Variants in SLCO5A1 observed in about 807,000 individuals in gnomAD.
SLCO5A1 encodes the protein organic anion transporter polypeptide-related protein 4.
Under a neutral mutation model 65.1 loss-of-function variants are expected in SLCO5A1, and 39 were observed. That is an observed-to-expected ratio of 0.60 (90% CI 0.46 to 0.78). The LOEUF (loss-of-function observed/expected upper bound fraction) is 0.78, where lower values mean the gene tolerates loss of function less well. Ranked by LOEUF, SLCO5A1 falls within the 30% of genes least tolerant of loss-of-function variation. The probability of loss-of-function intolerance (pLI) is 0.00; values close to 1 mark genes in which losing one functional copy is unlikely to be tolerated. For synonymous variants in SLCO5A1, 438 were observed against 415.7 expected (o/e 1.05, Z -0.65); for missense variants, 1,029 against 1,069.4 (o/e 0.96, Z 0.53).
chr8:69,759,869 A>C (rs1439846842), intron 3 of SLCO5A1, among the ~76,000 whole-genome samples: 1 of 152,056 alleles, frequency 6.6e-6, no homozygotes. Context: ...GGTTATCTCG[A>C]ACTCCTGACC....
intron 6 of SLCO5A1, among the ~76,000 whole-genome samples, chr8:69,695,671 A>C (rs148439809): frequency 2.0e-3 from 311 of 152,218 alleles, no homozygotes; most frequent in African/African-American, 7.3e-3. Context: ...GGAGAGATTG[A>C]CATTATCACC....
intron 2 of SLCO5A1, among the ~76,000 whole-genome samples, chr8:69,788,826 G>T (rs1477434285): frequency 1.3e-5 from 2 of 152,092 alleles, no homozygotes; most frequent in Admixed American, 1.3e-4. Context: ...TAAATTTATA[G>T]TCTTAGTATA....
chr8:69,680,348 A>C (rs1212011594), intron 7 of SLCO5A1, among the ~76,000 whole-genome samples: 1 of 152,120 alleles, frequency 6.6e-6, no homozygotes, highest in Admixed American at 6.6e-5. Flanking sequence ...ATGAGTACCC[A>C]ATGTTTAGCT....
intron 6 of SLCO5A1, among the ~76,000 whole-genome samples, chr8:69,687,270 T>C (rs1042447085): frequency 2.6e-5 from 4 of 152,186 alleles, no homozygotes; most frequent in African/African-American, 9.7e-5. Context: ...TCTATGGCTA[T>C]TAAATACCCC....
rs1304846887 is a variant in SLCO5A1, at chr8:69,761,085, G to GA, written c.1040+657dup. 5.9e-5 allele frequency among the ~76,000 whole-genome samples: 9 copies of GA among 152,258 alleles called. 1 individual carries two copies. The South Asian group carries it at 1.0e-3, about 18-fold the overall frequency. ...TGAAAGGTATGATTAAAGTCAGCAG[G>GA]AAAGTCCCCACGCAGCCACAGCAGT... On this transcript the variant is annotated intron_variant, in intron 3 of 9. Coordinates refer to ENST00000260126, the MANE Select transcript of SLCO5A1 (RefSeq NM_030958.3).
chr8:69,801,600 C>G (rs184933821), intron 2 of SLCO5A1, among the ~76,000 whole-genome samples: 1 of 152,050 alleles, frequency 6.6e-6, no homozygotes, highest in African/African-American at 2.4e-5. Context: ...GTTTTACATT[C>G]TCTGACAGAT....
In SLCO5A1 at chr8:69,679,439, G is replaced by C; in HGVS notation, c.1963C>G (p.Leu655Val). 1 of 1,614,214 alleles carries C rather than the reference G, an allele frequency of 6.2e-7. No homozygotes were observed. Among genetic ancestry groups the C allele is most frequent in the Non-Finnish European group, 8.5e-7 (1 of 1,180,028 alleles). Residue 655 changes from leucine to valine, a missense_variant, in exon 8 of 10, where the codon CTT becomes GTT. Leu to Val is a conservative substitution (Grantham distance 32, BLOSUM62 1). Coordinates refer to ENST00000260126, the MANE Select transcript of SLCO5A1 (RefSeq NM_030958.3). ...GCTGTGATGAAGGTGACTATGAAAAGAAAAACTAAGAATGGGATAAGAGTA... is the reference window on the plus strand; with the variant it reads ...GCTGTGATGAAGGTGACTATGAAAACAAAAACTAAGAATGGGATAAGAGTA... ...CNTLIPFLVF[L>V]FIVTFITACA... is the part of the protein sequence containing the mutation.
At chr8:69,686,263 A>C (rs1813999375) in intron 6 of SLCO5A1, among the ~76,000 whole-genome samples, 2 of 149,584 alleles carry the variant, frequency 1.3e-5, no homozygotes, top group Non-Finnish European at 3.0e-5. Context: ...TCTTTAGCAA[A>C]ATATACTAAT....
chr8:69,792,369 T>C (rs1819310885), intron 2 of SLCO5A1, among the ~76,000 whole-genome samples: 1 of 152,028 alleles, frequency 6.6e-6, no homozygotes, highest in South Asian at 2.1e-4. Context: ...AGAAATATGG[T>C]AGGAAAAGAC....
At chr8:69,812,982 C>G (rs559025091) in intron 2 of SLCO5A1, among the ~76,000 whole-genome samples, 2 of 152,284 alleles carry the variant, frequency 1.3e-5, no homozygotes, top group South Asian at 4.1e-4. Flanking sequence ...GGACACATTC[C>G]CTTTCCAGCT....
At chr8:69,711,483 A>G (rs895284683) in intron 5 of SLCO5A1, among the ~76,000 whole-genome samples, 2 of 152,172 alleles carry the variant, frequency 1.3e-5, no homozygotes, top group Non-Finnish European at 2.9e-5. Flanking sequence ...ACCCAAGGAC[A>G]CTTCCATATG....
At chr8:69,727,438 C>T (rs1022608692) in intron 5 of SLCO5A1, among the ~76,000 whole-genome samples, 7 of 152,186 alleles carry the variant, frequency 4.6e-5, no homozygotes, top group Non-Finnish European at 1.0e-4. Flanking sequence ...TATACAGTTA[C>T]ATATTATACA....
chr8:69,761,761 G>C lies in SLCO5A1; in HGVS notation c.1022C>G (p.Pro341Arg). ...AACTTACCAGTTTCCAATGAAACGA[G>C]GGTCATTCTGGTCAAGGTGAACAGG... ...RNPVHLDQND[P>R]RFIGNWWSGF... The change falls in exon 3 of 10, where the codon CCT becomes CGT. Residue 341 changes from proline to arginine, a missense_variant. This residue lies in a region of SLCO5A1 where 647 missense variants were observed against 647.5 expected (regional missense o/e 1.00). Coordinates refer to ENST00000260126, the MANE Select transcript of SLCO5A1 (RefSeq NM_030958.3). 6.2e-7 allele frequency: 1 copy of C among 1,613,646 alleles called. No homozygotes were observed. Among genetic ancestry groups the C allele is most frequent in the Non-Finnish European group, 8.5e-7 (1 of 1,179,888 alleles).
intron 6 of SLCO5A1, among the ~76,000 whole-genome samples, chr8:69,687,351 G>A (rs555148982): frequency 1.3e-5 from 2 of 152,138 alleles, no homozygotes; most frequent in South Asian, 4.1e-4. Flanking sequence ...TGCTAGCATA[G>A]GTTTAGAAGA....
intron 2 of SLCO5A1, chr8:69,772,779 C>A: frequency 4.0e-6 from 1 of 251,114 alleles, no homozygotes; most frequent in Non-Finnish European, 6.3e-6. Context: ...CACCTCCTTC[C>A]TGGCCTTATG....
At chr8:69,752,998 C>G (rs1168436707) in intron 4 of SLCO5A1, among the ~76,000 whole-genome samples, 1 of 152,146 alleles carries the variant, frequency 6.6e-6, no homozygotes, top group Non-Finnish European at 1.5e-5. Flanking sequence ...AAAAGCAACC[C>G]CTGGCAGTAC....
intron 2 of SLCO5A1, among the ~76,000 whole-genome samples, chr8:69,831,419 T>C (rs188324374): frequency 1.7e-3 from 265 of 152,334 alleles, no homozygotes; most frequent in Middle Eastern, 3.4e-3. Flanking sequence ...CATGAGGTAC[T>C]GCTATTCCTT....
At position 69,832,676 on chromosome 8, in the gene SLCO5A1, C is replaced by A. The variant is rs773065614; in HGVS notation, c.-3G>T. The A allele has an allele frequency of 2.8e-5, 45 of 1,585,972 alleles. No homozygotes were observed. Among genetic ancestry groups the A allele is most frequent in the Non-Finnish European group, 3.7e-5 (44 of 1,174,828 alleles). ...TGCAGTCCAGTGCCTTCGTCCATGGCGCTTAGAATTCAGATTTGATAGCTG... is the reference window on the plus strand; with the variant it reads ...TGCAGTCCAGTGCCTTCGTCCATGGAGCTTAGAATTCAGATTTGATAGCTG... On this transcript the variant is annotated 5_prime_UTR_variant, in exon 2 of 10. Coordinates refer to ENST00000260126, the MANE Select transcript of SLCO5A1 (RefSeq NM_030958.3). This position sits in a 1 kb window ranked among gnomAD's most constrained non-coding sequence, Gnocchi z 4.5.
intron 2 of SLCO5A1, among the ~76,000 whole-genome samples, chr8:69,764,286 A>G (rs374311155): frequency 2.8e-4 from 42 of 152,362 alleles, no homozygotes; most frequent in African/African-American, 9.4e-4. Flanking sequence ...GCTTTGCCAT[A>G]TCCTTTAAAG....
Sources: allele counts gnomAD v4.1 joint callset (sites outside exome capture counted in the v4.1 genomes callset), GRCh38; gene constraint gnomAD v4.1.1; regional missense constraint gnomAD v4.1.1; non-coding constraint Gnocchi (gnomAD v3.1); transcripts MANE v1.5; gene names NCBI Gene and HGNC (gene_info 2026-07-23, HGNC 2026-07-21).